The following FRMPD3 variants were observed in gnomAD, a reference collection of about 807,000 sequenced individuals.
FRMPD3 encodes the protein FERM and PDZ domain containing 3.
FRMPD3 carries 42 observed loss-of-function variants against 97.9 expected under a neutral mutation model. The ratio of observed to expected loss-of-function variants is 0.43; its 90% CI spans 0.34 to 0.55. FRMPD3 has a LOEUF of 0.55. FRMPD3 is among the 20% of genes least tolerant of loss of function. The pLI, the probability that FRMPD3 is intolerant of heterozygous loss-of-function variation, is 0.03. For missense variants in FRMPD3, 1,303 were observed against 1,457.7 expected, an observed-to-expected ratio of 0.89 and a Z score of 1.73; for synonymous variants, 577 against 581.1, an observed-to-expected ratio of 0.99 and a Z score of 0.10.
At chrX:107,465,600 G>C (rs759752510) in intron 1 of FRMPD3, among the ~76,000 whole-genome samples, 70 of 112,021 alleles carry the variant, frequency 6.2e-4, no homozygotes, top group African/African-American at 2.1e-3. Context: ...TGAGATTGGA[G>C]CAGGCCAATT....
At position 107,479,232 on chromosome X, in the gene FRMPD3, A is replaced by G. The variant is rs1921277345; in HGVS notation, c.-8+29227A>G. Among the ~76,000 whole-genome samples, 3 of 112,519 alleles carry G rather than the reference A, an allele frequency of 2.7e-5. No homozygotes were observed. The South Asian group carries it at 1.1e-3, about 42-fold the overall frequency. Reference sequence around the variant, plus strand: ...TTAAGGAAGGCCATTGCTTCCACCCATAGGGATTGCCTCCCTGCCTTAGGG... The same window carrying G: ...TTAAGGAAGGCCATTGCTTCCACCCGTAGGGATTGCCTCCCTGCCTTAGGG... On this transcript the variant is annotated intron_variant, in intron 1 of 14. Transcript: ENST00000683843.
intron 1 of FRMPD3, among the ~76,000 whole-genome samples, chrX:107,513,920 A>T (rs966031796): frequency 5.3e-5 from 6 of 112,382 alleles, no homozygotes; most frequent in Non-Finnish European, 1.1e-4. Context: ...ACACAAATGA[A>T]TATATAACTA....
intron 6 of FRMPD3, among the ~76,000 whole-genome samples, 163 bp from the exon 7 acceptor site, chrX:107,552,632 T>C (rs2147583976): frequency 8.9e-6 from 1 of 112,243 alleles, no homozygotes; most frequent in South Asian, 3.8e-4. Context: ...CTTTACTCAT[T>C]GTGGATCACA....
chrX:107,595,410 G>A (rs1924119700), intron 13 of FRMPD3, among the ~76,000 whole-genome samples: 1 of 110,968 alleles, frequency 9.0e-6, no homozygotes, highest in East Asian at 2.8e-4. Context: ...GTTGTGCTCA[G>A]AAAATATATT....
At chrX:107,490,462 C>G (rs916764862) in intron 1 of FRMPD3, among the ~76,000 whole-genome samples, 2 of 111,975 alleles carry the variant, frequency 1.8e-5, no homozygotes, top group Non-Finnish European at 3.8e-5. Flanking sequence ...ATTCTTCCTA[C>G]CCATGAGCAT....
At chrX:107,566,066 A>C (rs753515791) in intron 12 of FRMPD3, among the ~76,000 whole-genome samples, 1 of 111,923 alleles carries the variant, frequency 8.9e-6, no homozygotes, top group Non-Finnish European at 1.9e-5. Context: ...CCATAGATCA[A>C]CTCCTTCGGA....
intron 1 of FRMPD3, among the ~76,000 whole-genome samples, chrX:107,452,997 C>T (rs1455434521): frequency 1.8e-5 from 2 of 110,648 alleles, no homozygotes; most frequent in Admixed American, 9.5e-5. Context: ...TACTTCAGCC[C>T]TTGGAGGGAG....
chrX:107,476,717 C>T (rs1199067377), intron 1 of FRMPD3, among the ~76,000 whole-genome samples: 2 of 112,508 alleles, frequency 1.8e-5, no homozygotes, highest in Non-Finnish European at 3.7e-5. Context: ...GAAATGAATG[C>T]AGAGTTTCCA....
At chrX:107,488,521 A>T (rs1413223079) in intron 1 of FRMPD3, among the ~76,000 whole-genome samples, 3 of 112,372 alleles carry the variant, frequency 2.7e-5, no homozygotes, top group African/African-American at 9.7e-5. Flanking sequence ...GACTTTCCCA[A>T]GTGCAGAGAA....
intron 4 of FRMPD3, among the ~76,000 whole-genome samples, chrX:107,535,637 C>T (rs1407292337): frequency 9.9e-6 from 1 of 101,147 alleles, no homozygotes; most frequent in African/African-American, 3.7e-5. Flanking sequence ...TGCACCACTG[C>T]ACTCCAGCCT....
intron 1 of FRMPD3, among the ~76,000 whole-genome samples, chrX:107,451,418 A>G (rs2147884066): frequency 8.9e-6 from 1 of 112,028 alleles, no homozygotes; most frequent in South Asian, 3.7e-4. Flanking sequence ...CTGGGCCTAG[A>G]GGACCCGGGA....
At chrX:107,465,922 A>G (rs936953041) in intron 1 of FRMPD3, among the ~76,000 whole-genome samples, 4 of 112,329 alleles carry the variant, frequency 3.6e-5, no homozygotes, top group Non-Finnish European at 7.5e-5. Context: ...AGTTTGAGAA[A>G]TGCTGTATAC....
intron 1 of FRMPD3, among the ~76,000 whole-genome samples, chrX:107,457,641 C>T (rs1191755284): frequency 8.9e-6 from 1 of 112,108 alleles, no homozygotes; most frequent in African/African-American, 3.2e-5. Flanking sequence ...CTCAGTGGAC[C>T]ATGGCAACAG....
intron 1 of FRMPD3, among the ~76,000 whole-genome samples, chrX:107,459,858 TGTGC>T (rs1402416563): frequency 1.9e-5 from 2 of 103,405 alleles, no homozygotes; most frequent in Non-Finnish European, 3.9e-5. Flanking sequence ...CACACGTGTG[TGTGC>T]GTGCGTGCAC....
intron 1 of FRMPD3, among the ~76,000 whole-genome samples, chrX:107,484,251 C>T (rs779120221): frequency 4.4e-5 from 5 of 112,581 alleles, no homozygotes; most frequent in African/African-American, 6.5e-5. Context: ...AACTGCCCAA[C>T]CCAGTGCTGC....
chrX:107,462,536 T>C (rs942330819), intron 1 of FRMPD3, among the ~76,000 whole-genome samples: 1 of 111,774 alleles, frequency 8.9e-6, no homozygotes, highest in African/African-American at 3.3e-5. Context: ...CTCTTCCAGG[T>C]GAGGAATGAT....
In FRMPD3 at chrX:107,528,864, C is replaced by T. The variant is rs1465104035; in HGVS notation, c.149-1545C>T. Among the ~76,000 whole-genome samples, 9 of 113,065 alleles carry T rather than the reference C, an allele frequency of 8.0e-5. No homozygotes were observed. In the East Asian group the frequency reaches 2.2e-3, roughly 28 times the overall value. On this transcript the variant is annotated intron_variant, in intron 2 of 14. Coordinates refer to ENST00000683843, the MANE Select transcript of FRMPD3 (RefSeq NM_001388459.1). The stretch of plus-strand genomic sequence containing the variant: ...CCTAGTGTGTTTAGGGCAATTGCTC[C>T]TCGAGCAATGAATCCTGCTGCCTGT...
chrX:107,602,618 G>A lies in FRMPD3; in HGVS notation c.4579G>A (p.Gly1527Ser). The change falls in exon 15 of 15, where the codon GGC becomes AGC. Residue 1527 changes from glycine (G) to serine (S), a missense_variant. By Grantham distance (56) the Gly-to-Ser change is moderately conservative. Coordinates refer to ENST00000683843, the MANE Select transcript of FRMPD3 (RefSeq NM_001388459.1). ...CTCTATCCCCATGAAGATCCTGCCT[G>A]GCATGAAGCTGGACGAGCAGGTGGT... ...SYSIPMKILP[G>S]MKLDEQVVPV... The A allele has an allele frequency of 1.7e-6, 2 of 1,211,358 alleles. No homozygotes were observed. Among genetic ancestry groups the A allele is most frequent in the East Asian group, 5.9e-5 (2 of 33,871 alleles).
chrX:107,479,404 A>G (rs1290570371), intron 1 of FRMPD3, among the ~76,000 whole-genome samples: 3 of 112,371 alleles, frequency 2.7e-5, no homozygotes. Flanking sequence ...TCACGTTTAC[A>G]TAGCACTTCA....
Sources: gnomAD v4.1 joint callset for allele counts (sites outside exome capture counted in the v4.1 genomes callset) on GRCh38, gnomAD v4.1.1 for gene constraint, MANE v1.5 for transcripts, NCBI Gene and HGNC (gene_info 2026-07-23, HGNC 2026-07-21) for gene names.